ANKRD7: variants seen among roughly 807,000 people sequenced by gnomAD.
ANKRD7 encodes ankyrin repeat domain 7, also known as ankyrin repeat domain-containing protein 7.
ANKRD7 carries 30 observed loss-of-function variants against 30.8 expected under a neutral mutation model. That is an observed-to-expected ratio of 0.97 (90% CI 0.73 to 1.32). The LOEUF (loss-of-function observed/expected upper bound fraction) is 1.32, where lower values mean the gene tolerates loss of function less well. Among genes scored for constraint, ANKRD7 ranks in the 40% most tolerant of loss-of-function variants. The pLI is 0.00. For synonymous variants in ANKRD7, 97 were observed against 106.6 expected, an observed-to-expected ratio of 0.91 and a Z score of 0.55; for missense variants, 264 against 295.7, an observed-to-expected ratio of 0.89 and a Z score of 0.79.
At position 118,236,834 on chromosome 7, in the gene ANKRD7, TA is replaced by T; in HGVS notation, c.623del (p.Lys208SerfsTer20). 3 of 1,614,034 alleles carry T rather than the reference TA, an allele frequency of 1.9e-6. No individual in the cohort carries two copies. The highest frequency in any genetic ancestry group is 2.5e-6 in the Non-Finnish European group (3 of 1,179,908). ...LAVSGEPPCL[V>X]KLLLQQGVEL... is the part of the protein sequence containing the mutation. ...GTCAGTGGTGAACCACCATGTTTAG[TA>T]AAGCTTCTTCTTCAGCAAGGTGTGG... On this transcript the variant is annotated frameshift_variant, in exon 5 of 7. Coordinates refer to ENST00000265224, the MANE Select transcript of ANKRD7 (RefSeq NM_019644.4). LOFTEE classifies it high-confidence loss of function.
At chr7:118,229,985 C>T (rs541886325) in intron 1 of ANKRD7, among the ~76,000 whole-genome samples, 2 of 152,166 alleles carry the variant, frequency 1.3e-5, no homozygotes, top group Admixed American at 1.3e-4. Flanking sequence ...AACATCCCTT[C>T]ATGATAAAAA....
chr7:118,227,148 A>C (rs560909389), intron 1 of ANKRD7, among the ~76,000 whole-genome samples: 472 of 150,810 alleles, frequency 3.1e-3, no homozygotes, highest in African/African-American at 9.8e-3. Context: ...TAACTTCTAC[A>C]GATTTTTTTT....
chr7:118,239,681 A>T, intron 5 of ANKRD7: 1 of 302,378 alleles, frequency 3.3e-6, no homozygotes, highest in East Asian at 4.9e-5. Context: ...AGTGGCTTTT[A>T]AAAAAATCAT....
intron 6 of ANKRD7, among the ~76,000 whole-genome samples, chr7:118,241,110 C>T (rs1004571937): frequency 6.4e-5 from 9 of 140,948 alleles, no homozygotes; most frequent in East Asian, 2.1e-4. Context: ...GCCGAGATTG[C>T]GCCACTGCAG....
chr7:118,240,308 C>T (rs1809807167), intron 6 of ANKRD7, among the ~76,000 whole-genome samples: 1 of 152,042 alleles, frequency 6.6e-6, no homozygotes, highest in Admixed American at 6.6e-5. Flanking sequence ...GCTATCCTTC[C>T]CCCCTCCCCC....
At chr7:118,225,141 A>T (rs1404952797) in intron 1 of ANKRD7, 132 bp downstream of exon 1, 2 of 1,048,510 alleles carry the variant, frequency 1.9e-6, no homozygotes, top group East Asian at 5.4e-5. Flanking sequence ...ATTGTCTGGT[A>T]ACCATTGGCA....
intron 1 of ANKRD7, among the ~76,000 whole-genome samples, chr7:118,232,720 TTGTGTG>T (rs3061652): frequency 1.4e-5 from 2 of 146,014 alleles, no homozygotes; most frequent in Admixed American, 7.0e-5. Context: ...AGCAGTGTGT[TTGTGTG>T]TGTGTGTGTG....
At chr7:118,225,119 C>A in intron 1 of ANKRD7, 110 bp downstream of exon 1, 1 of 1,255,368 alleles carries the variant, frequency 8.0e-7, no homozygotes, top group Non-Finnish European at 1.1e-6. Flanking sequence ...CCGGGTTTCC[C>A]AAAGAAGAGA....
At chr7:118,227,564 A>AG (rs1809565279) in intron 1 of ANKRD7, among the ~76,000 whole-genome samples, 1 of 152,200 alleles carries the variant, frequency 6.6e-6, no homozygotes, top group South Asian at 2.1e-4. Context: ...GTTTGTTGTG[A>AG]GGAAGGGTAC....
At chr7:118,237,443 C>T (rs962956943) in intron 5 of ANKRD7, among the ~76,000 whole-genome samples, 28 of 152,036 alleles carry the variant, frequency 1.8e-4, no homozygotes, top group South Asian at 1.7e-3. Flanking sequence ...AAATTAGATA[C>T]GATGTACAAA....
intron 4 of ANKRD7, 67 bp downstream of exon 4, chr7:118,236,214 GT>G (rs1809727497): frequency 1.6e-6 from 1 of 637,158 alleles, no homozygotes; most frequent in African/African-American, 1.9e-5. Flanking sequence ...GTGCGTATGT[GT>G]GTGTGTGTGT....
chr7:118,234,358 G>C lies in ANKRD7; in HGVS notation c.180-73G>C, dbSNP rs949082029. 4.2e-6 allele frequency: 4 copies of C among 956,812 alleles called. No individual in the cohort carries two copies. In the African/African-American group the frequency reaches 6.6e-5, roughly 16 times the overall value. 59.3% of individuals were successfully genotyped at this position (956,812 alleles called of 1,614,324 possible). The stretch of plus-strand genomic sequence containing the variant: ...ACCTTACCAATGTACAATCTGGCTT[G>C]TTTTTGGGTAAAACAAGTAACTTCT... On this transcript the variant is annotated intron_variant, in intron 1 of 6. Coordinates refer to ENST00000265224, the MANE Select transcript of ANKRD7 (RefSeq NM_019644.4).
rs767787360 is a variant in ANKRD7, at chr7:118,234,686, T to C, written c.295-15T>C. On this transcript the variant is annotated splice_polypyrimidine_tract_variant and intron_variant, in intron 2 of 6. Transcript: ENST00000265224. ...TAGTAAATTGGTTACTCATCTACTC[T>C]TGTTGCATTAACAGGCAGTACAGTG... The C allele has an allele frequency of 3.8e-5, 61 of 1,598,294 alleles. 1 individual carries two copies. Among genetic ancestry groups the C allele is most frequent in the Non-Finnish European group, 4.9e-5 (58 of 1,174,646 alleles).
intron 2 of ANKRD7, 58 bp from the exon 3 acceptor site, chr7:118,234,643 A>C (rs1215958323): frequency 6.4e-7 from 1 of 1,563,430 alleles, no homozygotes; most frequent in African/African-American, 1.4e-5. Context: ...ATCAAACATT[A>C]ATTTATCATA....
At chr7:118,241,599 A>G (rs1340934634) in intron 6 of ANKRD7, among the ~76,000 whole-genome samples, 6 of 128,388 alleles carry the variant, frequency 4.7e-5, no homozygotes, top group African/African-American at 1.8e-4. Context: ...GAGTGCAGTG[A>G]TGCAATCTCA....
intron 6 of ANKRD7, among the ~76,000 whole-genome samples, chr7:118,241,053 C>A (rs548604374): frequency 5.8e-4 from 85 of 146,424 alleles, no homozygotes; most frequent in African/African-American, 1.9e-3. Flanking sequence ...ACTCGGGAGG[C>A]TGAGGCAGGA....
intron 1 of ANKRD7, among the ~76,000 whole-genome samples, chr7:118,231,348 T>C (rs1261831615): frequency 6.6e-6 from 1 of 152,126 alleles, no homozygotes; most frequent in Non-Finnish European, 1.5e-5. Context: ...ATCACTTTTA[T>C]GGTTTTTAAT....
At chr7:118,232,559 T>C (rs1037983303) in intron 1 of ANKRD7, among the ~76,000 whole-genome samples, 1 of 152,072 alleles carries the variant, frequency 6.6e-6, no homozygotes, top group Non-Finnish European at 1.5e-5. Context: ...TTTCCTAAGT[T>C]CTTGGAGCTT....
At chr7:118,229,525 A>T (rs184072901) in intron 1 of ANKRD7, among the ~76,000 whole-genome samples, 6 of 152,278 alleles carry the variant, frequency 3.9e-5, no homozygotes, top group African/African-American at 9.6e-5. Flanking sequence ...GAATGAAAGG[A>T]TGAATACATA....
Sources: gnomAD v4.1 joint callset for allele counts (sites outside exome capture counted in the v4.1 genomes callset) on GRCh38, gnomAD v4.1.1 for gene constraint, MANE v1.5 for transcripts, NCBI Gene and HGNC (gene_info 2026-07-23, HGNC 2026-07-21) for gene names.